Variants in ACTN1 observed in about 807,000 individuals in gnomAD.
The protein encoded by ACTN1 is alpha-actinin-1.
Under a neutral mutation model 119.6 loss-of-function variants are expected in ACTN1, and 30 were observed. That is an observed-to-expected ratio of 0.25 (90% CI 0.19 to 0.34). The LOEUF (loss-of-function observed/expected upper bound fraction) is 0.34, where lower values mean the gene tolerates loss of function less well. Among genes scored for constraint, ACTN1 ranks in the 10% least tolerant of loss-of-function variants. ACTN1 has a pLI of 1.00. For synonymous variants in ACTN1, 429 were observed against 472.6 expected (o/e 0.91, Z 1.20); for missense variants, 764 against 1,223.4 (o/e 0.62, Z 5.60).
At chr14:68,965,807 G>A (rs552202626) in intron 1 of ACTN1, among the ~76,000 whole-genome samples, 2 of 152,314 alleles carry the variant, frequency 1.3e-5, no homozygotes, top group East Asian at 1.9e-4. Context: ...TAGAGGGTGA[G>A]AACAAACTCC....
Position 68,978,997 on chromosome 14 carries a change from G to A in ACTN1, c.60C>T (p.Asp20=). 6.2e-7 allele frequency: 1 copy of A among 1,604,156 alleles called. No homozygotes were observed. Among genetic ancestry groups the A allele is most frequent in the South Asian group, 1.1e-5 (1 of 89,660 alleles). Reference sequence around the variant, plus strand: ...AGGCCGGGTCCAGGAGCAGGTCCCGGTCCCAGTCCTCTTCTGGCTGCATGT... The same window carrying A: ...AGGCCGGGTCCAGGAGCAGGTCCCGATCCCAGTCCTCTTCTGGCTGCATGT... ...NDYMQPEEDW[D]RDLLLDPAWE... The change falls in exon 1 of 22, where the codon GAC becomes GAT. Residue 20 remains aspartate, a synonymous_variant. Transcript: ENST00000394419.
At position 68,938,909 on chromosome 14, in the gene ACTN1, G is replaced by C. The variant is rs569845026; in HGVS notation, c.106-13237C>G. Among the ~76,000 whole-genome samples, 3 of 149,738 alleles carry C rather than the reference G, an allele frequency of 2.0e-5. No homozygotes were observed. In the South Asian group the frequency reaches 6.2e-4, roughly 31 times the overall value. On this transcript the variant is annotated intron_variant, in intron 1 of 21. Transcript: ENST00000394419. The stretch of plus-strand genomic sequence containing the variant: ...CCTCTGGCCAAGAGGAGGAGATGGG[G>C]AGGGGGGAGTGGAGCCTGCATTTCC...
chr14:68,882,756 C>A lies in ACTN1; in HGVS notation c.1818+117G>T. On this transcript the variant is annotated intron_variant, in intron 15 of 21. Transcript: ENST00000394419. The surrounding 1 kb of genome is among the most constrained non-coding windows in gnomAD (Gnocchi z 4.5). ...CCCAGTCATTTGACATTTGGACAAA[C>A]AATGAGTGTTTACTATATGACAATT... is the stretch of plus-strand genomic sequence containing the variant. The A allele has an allele frequency of 6.6e-7, 1 of 1,512,790 alleles. No homozygotes were observed. Among genetic ancestry groups the A allele is most frequent in the Non-Finnish European group, 9.0e-7 (1 of 1,111,426 alleles). 93.7% of individuals were successfully genotyped at this position (1,512,790 alleles called of 1,614,324 possible). A position where few individuals can be genotyped will look rare whatever the true frequency, so the allele number is the denominator to read the frequency against.
At chr14:68,896,746 G>C (rs972413268) in intron 8 of ACTN1, among the ~76,000 whole-genome samples, 30 of 152,230 alleles carry the variant, frequency 2.0e-4, no homozygotes, top group African/African-American at 9.7e-5. Flanking sequence ...TCCTGAAGAG[G>C]AGATGGGCTG....
At chr14:68,896,801 T>C (rs1330538476) in intron 8 of ACTN1, among the ~76,000 whole-genome samples, 1 of 152,116 alleles carries the variant, frequency 6.6e-6, no homozygotes, top group Non-Finnish European at 1.5e-5. Flanking sequence ...CATGAGATAA[T>C]GTAACAGATG....
chr14:68,940,036 G>A (rs1566659593), intron 1 of ACTN1, among the ~76,000 whole-genome samples: 1 of 152,220 alleles, frequency 6.6e-6, no homozygotes, highest in Non-Finnish European at 1.5e-5. Context: ...GGTCTTCGAA[G>A]CAGAGTGGCA....
Position 68,882,813 on chromosome 14 carries a change from G to A in ACTN1, c.1818+60C>T. 1 of 1,579,950 alleles carries A rather than the reference G, an allele frequency of 6.3e-7. No homozygotes were observed. The highest frequency in any genetic ancestry group is 8.7e-7 in the Non-Finnish European group (1 of 1,155,758). Reference sequence around the variant, plus strand: ...GAAATTGACAAAAATCAATTAAAATGGACAAAAATCCCTGCCTTTATGAAA... The same window carrying A: ...GAAATTGACAAAAATCAATTAAAATAGACAAAAATCCCTGCCTTTATGAAA... On this transcript the variant is annotated intron_variant, in intron 15 of 21. Coordinates refer to ENST00000394419, the MANE Select transcript of ACTN1 (RefSeq NM_001130004.2). The surrounding 1 kb of genome is among the most constrained non-coding windows in gnomAD (Gnocchi z 4.5).
intron 1 of ACTN1, among the ~76,000 whole-genome samples, chr14:68,950,282 G>A (rs1287055082): frequency 2.5e-5 from 3 of 121,870 alleles, no homozygotes; most frequent in Non-Finnish European, 3.3e-5. Flanking sequence ...GTGACAGAGT[G>A]AGTTGTTGTC....
intron 1 of ACTN1, among the ~76,000 whole-genome samples, chr14:68,951,961 T>C (rs575982630): frequency 1.7e-4 from 26 of 152,352 alleles, no homozygotes; most frequent in African/African-American, 5.8e-4. Context: ...GGTCTGAAGA[T>C]CTTTCACCCT....
intron 8 of ACTN1, among the ~76,000 whole-genome samples, chr14:68,898,984 C>A (rs1307312561): frequency 2.0e-5 from 3 of 149,538 alleles, no homozygotes; most frequent in East Asian, 3.9e-4. Context: ...ACACGCCACA[C>A]CTCACACCAC....
At chr14:68,969,798 T>A (rs535377258) in intron 1 of ACTN1, among the ~76,000 whole-genome samples, 2 of 152,014 alleles carry the variant, frequency 1.3e-5, no homozygotes, top group African/African-American at 2.4e-5. Flanking sequence ...GCGTTGGACA[T>A]CTCCACATCA....
Position 68,909,284 on chromosome 14 carries a change from G to A in ACTN1, c.594+34C>T, listed in dbSNP as rs2033850492. On this transcript the variant is annotated intron_variant, in intron 6 of 21. Transcript: ENST00000394419. This position sits in a 1 kb window ranked among gnomAD's most constrained non-coding sequence, Gnocchi z 4.1. ...CTCTTTTCCCACCCCACCTGCCAGG[G>A]ACCCAAAGCGGGTGGTCAGGTGGGC... The A allele has an allele frequency of 6.2e-7, 1 of 1,606,022 alleles. No homozygotes were observed. The highest frequency in any genetic ancestry group is 8.5e-7 in the Non-Finnish European group (1 of 1,173,436).
At chr14:68,917,761 G>A (rs899120405) in intron 3 of ACTN1, among the ~76,000 whole-genome samples, 2 of 152,156 alleles carry the variant, frequency 1.3e-5, no homozygotes, top group African/African-American at 2.4e-5. Flanking sequence ...GGTAAAGAAC[G>A]TCTCACTTTA....
chr14:68,885,033 C>T lies in ACTN1; in HGVS notation c.1386-150G>A. 4.6e-6 allele frequency: 3 copies of T among 654,476 alleles called. No individual in the cohort carries two copies. The highest frequency in any genetic ancestry group is 2.7e-5 in the East Asian group (1 of 36,824). 40.5% of individuals were successfully genotyped at this position (654,476 alleles called of 1,614,324 possible). A position where few individuals can be genotyped will look rare whatever the true frequency, so the allele number is the denominator to read the frequency against. On this transcript the variant is annotated intron_variant, in intron 12 of 21. Coordinates refer to ENST00000394419, the MANE Select transcript of ACTN1 (RefSeq NM_001130004.2). This position sits in a 1 kb window ranked among gnomAD's most constrained non-coding sequence, Gnocchi z 5.6. ...GAGACCTTCCAGGCACTCCTTCCACCCCTCCCCTCTTTCAGGAGACTGGCA... is the reference window on the plus strand; with the variant it reads ...GAGACCTTCCAGGCACTCCTTCCACTCCTCCCCTCTTTCAGGAGACTGGCA...
intron 1 of ACTN1, among the ~76,000 whole-genome samples, chr14:68,965,192 A>G (rs769631324): frequency 6.6e-6 from 1 of 152,218 alleles, no homozygotes. Flanking sequence ...GACAAATCAG[A>G]TCACCACTAT....
rs565804055 is a variant in ACTN1 at position 68,950,585 on chromosome 14, G to A, written c.106-24913C>T. Reference sequence around the variant, plus strand: ...TCAAACTTTTTTTTTTTTTTGAGACGGAGTCTCACTCTGTCGCCCAGTCTG... The same window carrying A: ...TCAAACTTTTTTTTTTTTTTGAGACAGAGTCTCACTCTGTCGCCCAGTCTG... On this transcript the variant is annotated intron_variant, in intron 1 of 21. Transcript: ENST00000394419. Among the ~76,000 whole-genome samples, 9 of 147,036 alleles carry A rather than the reference G, an allele frequency of 6.1e-5. No individual in the cohort carries two copies. The South Asian group carries it at 1.5e-3, about 24-fold the overall frequency.
chr14:68,976,350 G>A (rs774347801), intron 1 of ACTN1, among the ~76,000 whole-genome samples: 15 of 152,034 alleles, frequency 9.9e-5, no homozygotes, highest in Middle Eastern at 6.8e-3. Flanking sequence ...CACAAACCCC[G>A]CCTCCCAGTC....
At chr14:68,937,577 A>T (rs1213902724) in intron 1 of ACTN1, among the ~76,000 whole-genome samples, 1 of 152,200 alleles carries the variant, frequency 6.6e-6, no homozygotes, top group Non-Finnish European at 1.5e-5. Context: ...AATCACACAC[A>T]TCTCCCCAAT....
Position 68,885,347 on chromosome 14 carries a change from ACCC to A in ACTN1, c.1385+75_1385+77del. 2.7e-6 allele frequency: 4 copies of A among 1,454,568 alleles called. No homozygotes were observed. In the Admixed American group the frequency reaches 8.3e-5, roughly 30 times the overall value. The allele number at this position is 1,454,568 out of a possible 1,614,324, so 90.1% of individuals were successfully genotyped here. A position where few individuals can be genotyped will look rare whatever the true frequency, so the allele number is the denominator to read the frequency against. On this transcript the variant is annotated intron_variant, in intron 12 of 21. Coordinates refer to ENST00000394419, the MANE Select transcript of ACTN1 (RefSeq NM_001130004.2). The surrounding 1 kb of genome is among the most constrained non-coding windows in gnomAD (Gnocchi z 5.6). ...CACCCTCCCCATCTTCCACGGCCAC[ACCC>A]CCACCTCCCCCAGCAGCTGAGAAAG...
Sources: allele counts gnomAD v4.1 joint callset (sites outside exome capture counted in the v4.1 genomes callset), GRCh38; gene constraint gnomAD v4.1.1; non-coding constraint Gnocchi (gnomAD v3.1); transcripts MANE v1.5; gene names NCBI Gene and HGNC (gene_info 2026-07-23, HGNC 2026-07-21).